The following RNF125 variants were observed in gnomAD, a reference collection of about 807,000 sequenced individuals.
RNF125 encodes the protein E3 ubiquitin-protein ligase RNF125.
RNF125 carries 21 observed loss-of-function variants against 26.0 expected under a neutral mutation model. The ratio of observed to expected loss-of-function variants is 0.81; its 90% CI spans 0.57 to 1.16. The LOEUF is 1.16. RNF125 is among the 50% of genes most tolerant of loss of function. The pLI is 0.00. For synonymous variants in RNF125, 95 were observed against 109.2 expected (o/e 0.87, Z 0.81); for missense variants, 270 against 299.4 (o/e 0.90, Z 0.72).
intron 4 of RNF125, among the ~76,000 whole-genome samples, chr18:32,057,446 T>C (rs1353351972): frequency 6.6e-6 from 1 of 151,964 alleles, no homozygotes; most frequent in East Asian, 1.9e-4. Context: ...GCGATTCTCC[T>C]GCCTCAGTCT....
chr18:32,027,037 A>G lies in RNF125; in HGVS notation c.164+8010A>G, dbSNP rs371384814. Among the ~76,000 whole-genome samples the G allele has an allele frequency of 6.6e-5, 10 of 152,356 alleles. No homozygotes were observed. The East Asian group carries it at 1.7e-3, about 26-fold the overall frequency. On this transcript the variant is annotated intron_variant, in intron 1 of 5. Transcript: ENST00000217740. ...GGCTTACAGAATGAATGGGTACCCC[A>G]AAGGTTAAGAAGTCATACAAATATA...
In RNF125 at chr18:32,068,565, G is replaced by T; in HGVS notation, c.*181G>T. On this transcript the variant is annotated 3_prime_UTR_variant, in exon 6 of 6. Coordinates refer to ENST00000217740, the MANE Select transcript of RNF125 (RefSeq NM_017831.4). ...GCTTTAATTTTAATGGTTTAAATCTGTTTTACATCCTTGAGATTCTTACAC... is the reference window on the plus strand; with the variant it reads ...GCTTTAATTTTAATGGTTTAAATCTTTTTTACATCCTTGAGATTCTTACAC... 3 of 487,382 alleles carry T rather than the reference G, an allele frequency of 6.2e-6. No homozygotes were observed. The highest frequency in any genetic ancestry group is 1.1e-5 in the Non-Finnish European group (3 of 271,916). The allele number at this position is 487,382 out of a possible 1,614,324, so 30.2% of individuals were successfully genotyped here.
chr18:32,048,397 G>C (rs2039293063), intron 4 of RNF125, among the ~76,000 whole-genome samples: 1 of 151,316 alleles, frequency 6.6e-6, no homozygotes, highest in South Asian at 2.1e-4. Context: ...TTGCACTCCA[G>C]CATGGGCAAC....
At chr18:32,028,019 C>T (rs2039053659) in intron 1 of RNF125, among the ~76,000 whole-genome samples, 1 of 151,918 alleles carries the variant, frequency 6.6e-6, no homozygotes, top group Non-Finnish European at 1.5e-5. Context: ...CAGTAGTCGG[C>T]CGGGCGCGGT....
intron 1 of RNF125, among the ~76,000 whole-genome samples, chr18:32,020,033 T>TGTGTGTGTGTG (rs71384924): frequency 1.5e-5 from 2 of 137,674 alleles, no homozygotes; most frequent in African/African-American, 5.4e-5. Context: ...TGTGTGTGTG[T>TGTGTGTGTGTG]TTGAGAGAGA....
intron 1 of RNF125, among the ~76,000 whole-genome samples, chr18:32,023,672 A>G (rs2039006167): frequency 6.6e-6 from 1 of 152,218 alleles, no homozygotes; most frequent in South Asian, 2.1e-4. Flanking sequence ...CTGTTACTGA[A>G]CTTATGCATG....
chr18:32,076,212 C>G, downstream of RNF125: 1 of 475,598 alleles, frequency 2.1e-6, no homozygotes, highest in Non-Finnish European at 3.9e-6. Context: ...TGGTGTTTGC[C>G]TCTCTTTTTG....
chr18:32,064,388 T>C (rs1275857347), intron 4 of RNF125, among the ~76,000 whole-genome samples: 2 of 129,590 alleles, frequency 1.5e-5, no homozygotes, highest in Non-Finnish European at 3.3e-5. Flanking sequence ...TGAAATCTTT[T>C]TCTTTTTCTT....
chr18:32,030,726 G>C (rs1279521064), intron 1 of RNF125, among the ~76,000 whole-genome samples: 5 of 152,188 alleles, frequency 3.3e-5, no homozygotes, highest in Admixed American at 1.3e-4. Flanking sequence ...ATAAAGAAAA[G>C]AATCTTTTCA....
the RNF125 span, among the ~76,000 whole-genome samples, chr18:32,085,373 C>CAGAGAGAGAGAG: frequency 7.6e-3 from 978 of 128,690 alleles, 21 homozygotes; most frequent in African/African-American, 0.027. Context: ...CTGCCAGAAG[C>CAGAGAGAGAGAG]AGAGAGAGAG....
intron 4 of RNF125, among the ~76,000 whole-genome samples, chr18:32,065,306 C>T (rs981971161): frequency 2.0e-5 from 3 of 152,180 alleles, no homozygotes; most frequent in South Asian, 2.1e-4. Context: ...GGCAAGATCT[C>T]GGCTCACTGA....
intron 4 of RNF125, among the ~76,000 whole-genome samples, chr18:32,062,597 A>T (rs905176182): frequency 6.6e-6 from 1 of 152,202 alleles, no homozygotes; most frequent in African/African-American, 2.4e-5. Context: ...TGAAACTGAG[A>T]TCCTCATAAA....
At chr18:32,054,005 C>T (rs1343456836) in intron 4 of RNF125, among the ~76,000 whole-genome samples, 1 of 151,426 alleles carries the variant, frequency 6.6e-6, no homozygotes, top group African/African-American at 2.4e-5. Flanking sequence ...GAAATGCATC[C>T]TAATAGACCT....
chr18:32,070,320 G>A lies in RNF125; in HGVS notation c.*1936G>A, dbSNP rs1430464073. 1.3e-5 allele frequency: 2 copies of A among 152,306 alleles called. No individual in the cohort carries two copies. The highest frequency in any genetic ancestry group is 2.1e-4 in the South Asian group (1 of 4,824). The allele number at this position is 152,306 out of a possible 1,614,324, so 9.4% of individuals were successfully genotyped here. ...CCCAAAATGCTGGGATTACAGGCAT[G>A]AGCCACCATGCCCAGCTAATTTTTG... is the stretch of plus-strand genomic sequence containing the variant. On this transcript the variant is annotated 3_prime_UTR_variant, in exon 6 of 6. Coordinates refer to ENST00000217740, the MANE Select transcript of RNF125 (RefSeq NM_017831.4).
intron 1 of RNF125, among the ~76,000 whole-genome samples, chr18:32,024,748 C>T (rs982540440): frequency 1.3e-5 from 2 of 152,142 alleles, no homozygotes; most frequent in Non-Finnish European, 2.9e-5. Context: ...GCTGGGATTA[C>T]AGGCATGAGC....
At chr18:32,022,445 A>G (rs1403847182) in intron 1 of RNF125, among the ~76,000 whole-genome samples, 2 of 152,202 alleles carry the variant, frequency 1.3e-5, no homozygotes, top group Non-Finnish European at 2.9e-5. Context: ...ACAAACTGCT[A>G]ATAGATTAAC....
chr18:32,032,560 TCC>T (rs1198332031), intron 1 of RNF125, among the ~76,000 whole-genome samples: 5 of 152,054 alleles, frequency 3.3e-5, no homozygotes, highest in Non-Finnish European at 5.9e-5. Context: ...CCAAACTTTA[TCC>T]AGCTTTATTA....
chr18:32,058,182 A>C (rs1408362438), intron 4 of RNF125, among the ~76,000 whole-genome samples: 4 of 151,694 alleles, frequency 2.6e-5, no homozygotes, highest in Non-Finnish European at 5.9e-5. Flanking sequence ...AAGTATGACC[A>C]TATATGTACT....
At chr18:32,087,731 A>G in the RNF125 span, among the ~76,000 whole-genome samples, 1 of 152,142 alleles carries the variant, frequency 6.6e-6, no homozygotes, top group Non-Finnish European at 1.5e-5. Flanking sequence ...AATGCCCCTA[A>G]GAGTTCTTCT....
Sources: gnomAD v4.1 joint callset for allele counts (sites outside exome capture counted in the v4.1 genomes callset) on GRCh38, gnomAD v4.1.1 for gene constraint, MANE v1.5 for transcripts, NCBI Gene and HGNC (gene_info 2026-07-23, HGNC 2026-07-21) for gene names.